POU6F2: variants seen among roughly 807,000 people sequenced by gnomAD.
POU6F2 encodes the protein POU domain, class 6, transcription factor 2.
In POU6F2, 31 loss-of-function variants were observed where a neutral mutation model predicts 71.3. The ratio of observed to expected loss-of-function variants is 0.43; its 90% CI spans 0.33 to 0.59. The LOEUF (loss-of-function observed/expected upper bound fraction) is 0.59. Ranked by LOEUF, POU6F2 falls within the 20% of genes least tolerant of loss-of-function variation. The pLI is 0.04. For missense variants in POU6F2, 783 were observed against 856.8 expected (o/e 0.91, Z 1.07); for synonymous variants, 347 against 355.7 (o/e 0.98, Z 0.27).
At chr7:39,244,197 G>A (rs558618630) in intron 4 of POU6F2, among the ~76,000 whole-genome samples, 2 of 152,254 alleles carry the variant, frequency 1.3e-5, no homozygotes, top group African/African-American at 2.4e-5. Context: ...TAAATTTCAA[G>A]TACTGTCATT....
chr7:39,380,668 G>A (rs1325991139), intron 5 of POU6F2, among the ~76,000 whole-genome samples: 3 of 152,124 alleles, frequency 2.0e-5, no homozygotes, highest in African/African-American at 7.2e-5. Context: ...TATTATATTA[G>A]CACATATCCA....
chr7:39,097,848 T>C (rs890670590), intron 2 of POU6F2, among the ~76,000 whole-genome samples: 1 of 152,216 alleles, frequency 6.6e-6, no homozygotes, highest in African/African-American at 2.4e-5. Context: ...ATTGACATTC[T>C]ATTTTACTTG....
chr7:39,083,931 G>C (rs564029369), intron 1 of POU6F2: 1 of 152,268 alleles, frequency 6.6e-6, no homozygotes, highest in South Asian at 2.1e-4. Flanking sequence ...GAAAGGAGCT[G>C]TCATGTTGGT....
intron 6 of POU6F2, among the ~76,000 whole-genome samples, chr7:39,422,750 C>T (rs2115977312): frequency 6.6e-6 from 1 of 152,240 alleles, no homozygotes; most frequent in African/African-American, 2.4e-5. Flanking sequence ...TCCTTAGAGA[C>T]CAGAAGTCCC....
At position 39,450,799 on chromosome 7, in the gene POU6F2, C is replaced by T. The variant is rs1159505764; in HGVS notation, c.1321-734C>T. ...TATAAAATCCTTTAGCTTCTCTGTG[C>T]CTCAGCTTCCCTGTTTGTGAGAGAG... On this transcript the variant is annotated intron_variant, in intron 7 of 9. Transcript: ENST00000518318. Among the ~76,000 whole-genome samples, 5 of 152,184 alleles carry T rather than the reference C, an allele frequency of 3.3e-5. No individual in the cohort carries two copies. The South Asian group carries it at 8.3e-4, about 25-fold the overall frequency.
chr7:39,001,273 T>C (rs962391954), intron 1 of POU6F2, among the ~76,000 whole-genome samples: 3 of 151,848 alleles, frequency 2.0e-5, no homozygotes, highest in Non-Finnish European at 4.4e-5. Flanking sequence ...TTTTTTTGCA[T>C]TGGGTTAGAG....
chr7:39,255,004 T>C (rs1030971155), intron 4 of POU6F2, among the ~76,000 whole-genome samples: 1 of 152,228 alleles, frequency 6.6e-6, no homozygotes, highest in African/African-American at 2.4e-5. Flanking sequence ...GGTAGATTTG[T>C]AAAATGTCTA....
At chr7:39,249,206 CTT>C in intron 4 of POU6F2, among the ~76,000 whole-genome samples, 1 of 152,332 alleles carries the variant, frequency 6.6e-6, no homozygotes, top group East Asian at 1.9e-4. Flanking sequence ...TCACAACAAT[CTT>C]TGAGTTCCTT....
intron 1 of POU6F2, among the ~76,000 whole-genome samples, chr7:39,061,353 C>A (rs1411759618): frequency 1.3e-5 from 2 of 151,866 alleles, no homozygotes; most frequent in Non-Finnish European, 2.9e-5. Flanking sequence ...ATAATCGTGG[C>A]TAGTCTTTGA....
At chr7:38,986,865 A>G (rs1788476580) in intron 1 of POU6F2, among the ~76,000 whole-genome samples, 2 of 152,176 alleles carry the variant, frequency 1.3e-5, no homozygotes, top group Admixed American at 1.3e-4. Flanking sequence ...CTATACATAG[A>G]GTTCTGCAAC....
intron 2 of POU6F2, among the ~76,000 whole-genome samples, chr7:39,134,979 G>A (rs1340477459): frequency 2.0e-5 from 3 of 152,000 alleles, no homozygotes; most frequent in African/African-American, 7.2e-5. Flanking sequence ...ACCTTAAAAA[G>A]TTATGAAGAG....
At chr7:39,278,097 G>A (rs1033708651) in intron 4 of POU6F2, among the ~76,000 whole-genome samples, 2 of 58,186 alleles carry the variant, frequency 3.4e-5, no homozygotes, top group African/African-American at 9.3e-5. Context: ...GAGAGGGAGG[G>A]AGGGAGGGAG....
intron 1 of POU6F2, among the ~76,000 whole-genome samples, chr7:39,030,860 A>C (rs116787380): frequency 0.025 from 3,599 of 144,990 alleles, 124 homozygotes; most frequent in African/African-American, 0.085. Context: ...TGCCCCCCCC[A>C]AAAAAAAATT....
chr7:39,115,858 T>C (rs1412336494), intron 2 of POU6F2, among the ~76,000 whole-genome samples: 5 of 152,202 alleles, frequency 3.3e-5, no homozygotes, highest in Non-Finnish European at 7.3e-5. Flanking sequence ...CTTATGTAGC[T>C]CTGGCAACAG....
rs28624887 is a variant in POU6F2, at chr7:39,190,356, A to G, written c.278-13879A>G. On this transcript the variant is annotated intron_variant, in intron 2 of 9. Coordinates refer to ENST00000518318, the MANE Select transcript of POU6F2 (RefSeq NM_001370959.1). The stretch of plus-strand genomic sequence containing the variant: ...ATGCAGCTTGGGATTGAAAGAGCAC[A>G]AGAACTTGACCAGCCTCAGGTTTGA... Among the ~76,000 whole-genome samples, 363 of 149,594 alleles carry G rather than the reference A, an allele frequency of 2.4e-3. 1 individual carries two copies. The highest frequency in any genetic ancestry group is 8.4e-3 in the African/African-American group (341 of 40,520).
At chr7:39,001,755 A>G (rs896653345) in intron 1 of POU6F2, among the ~76,000 whole-genome samples, 3 of 151,706 alleles carry the variant, frequency 2.0e-5, no homozygotes, top group African/African-American at 7.3e-5. Context: ...GATGTTGGTG[A>G]TGGTGGTTAT....
chr7:39,421,830 T>C (rs1163526251), intron 6 of POU6F2, among the ~76,000 whole-genome samples: 1 of 152,172 alleles, frequency 6.6e-6, no homozygotes, highest in South Asian at 2.1e-4. Context: ...CAAAGCTGAG[T>C]GAAACTAACA....
intron 4 of POU6F2, among the ~76,000 whole-genome samples, chr7:39,256,867 CAT>C (rs1442255940): frequency 1.2e-4 from 19 of 152,160 alleles, no homozygotes; most frequent in Admixed American, 9.2e-4. Flanking sequence ...CAGGAAGAAA[CAT>C]AGCCCAGCCG....
chr7:39,062,373 A>G (rs1299436232), intron 1 of POU6F2, among the ~76,000 whole-genome samples: 7 of 151,952 alleles, frequency 4.6e-5, no homozygotes. Context: ...AAAATATGAT[A>G]CTCATGGGGT....
Sources: gnomAD v4.1 joint callset for allele counts (sites outside exome capture counted in the v4.1 genomes callset) on GRCh38, gnomAD v4.1.1 for gene constraint, MANE v1.5 for transcripts, NCBI Gene and HGNC (gene_info 2026-07-23, HGNC 2026-07-21) for gene names.